The following EFCC1 variants were observed in gnomAD, a reference collection of about 807,000 sequenced individuals.
EFCC1 encodes EF-hand and coiled-coil domain-containing protein 1.
A neutral mutation model predicts 52.1 loss-of-function variants in EFCC1; 50 were observed. The ratio of observed to expected loss-of-function variants is 0.96; its 90% CI spans 0.76 to 1.21. EFCC1 has a LOEUF of 1.21. Ranked by LOEUF, EFCC1 falls within the 50% of genes most tolerant of loss-of-function variation. The probability of loss-of-function intolerance (pLI) is 0.00; values close to 1 mark genes in which losing one functional copy is unlikely to be tolerated. For missense variants in EFCC1, 837 were observed against 867.3 expected (o/e 0.97, Z 0.44); for synonymous variants, 399 against 396.5 (o/e 1.01, Z -0.08).
intron 2 of EFCC1, among the ~76,000 whole-genome samples, chr3:129,012,706 G>A (rs1012071615): frequency 2.1e-4 from 32 of 152,186 alleles, no homozygotes; most frequent in Admixed American, 4.6e-4. Flanking sequence ...ATAGAAGTGG[G>A]ACAACTCCCA....
Position 129,014,084 on chromosome 3 carries a change from T to C in EFCC1, c.980+10007T>C, listed in dbSNP as rs1321737101. 6.6e-6 allele frequency among the ~76,000 whole-genome samples: 1 copy of C among 152,236 alleles called. No homozygotes were observed. The highest frequency in any genetic ancestry group is 1.5e-5 in the Non-Finnish European group (1 of 68,048). ...TCAGGCTCTTCATTTTGCCTCTTCA[T>C]GATTTTCTGTCAGAAATAACCATTG... On this transcript the variant is annotated intron_variant, in intron 2 of 7. Coordinates refer to ENST00000683648, the MANE Select transcript of EFCC1 (RefSeq NM_001377500.1). The surrounding 1 kb of genome is among the most constrained non-coding windows in gnomAD (Gnocchi z 4.3).
chr3:129,003,681 C>CG (rs1944911737), intron 1 of EFCC1, 113 bp from the exon 2 acceptor site: 1 of 1,053,736 alleles, frequency 9.5e-7, no homozygotes, highest in African/African-American at 1.7e-5. Context: ...GCGCAAGAAA[C>CG]GTGCTCAAGC....
intron 5 of EFCC1, 96 bp from the exon 6 acceptor site, chr3:129,036,881 T>C: frequency 6.3e-7 from 1 of 1,583,660 alleles, no homozygotes; most frequent in Non-Finnish European, 8.6e-7. Context: ...TCTCTGGGCC[T>C]CAGCACCAGC....
rs1944862536 is a variant in EFCC1, at chr3:129,002,877, G to A, written c.696+553G>A. ...ACAATGTGGCTCACACTGTGGATCA[G>A]GCACTCACGGGCCACCAAGTGCCTG... On this transcript the variant is annotated intron_variant, in intron 1 of 7. Coordinates refer to ENST00000683648, the MANE Select transcript of EFCC1 (RefSeq NM_001377500.1). Among the ~76,000 whole-genome samples, 2 of 152,210 alleles carry A rather than the reference G, an allele frequency of 1.3e-5. 1 individual carries two copies. The highest frequency in any genetic ancestry group is 4.1e-4 in the South Asian group (2 of 4,834).
At chr3:129,009,910 G>A (rs1053075127) in intron 2 of EFCC1, among the ~76,000 whole-genome samples, 41 of 152,298 alleles carry the variant, frequency 2.7e-4, no homozygotes, top group African/African-American at 9.4e-4. Context: ...GGTGATTCAG[G>A]GCTCACTGGG....
At chr3:129,023,149 T>C (rs1156329077) in intron 2 of EFCC1, among the ~76,000 whole-genome samples, 2 of 152,214 alleles carry the variant, frequency 1.3e-5, no homozygotes, top group Non-Finnish European at 2.9e-5. Context: ...AAGTCATGAA[T>C]TGGGCAGCTG....
chr3:129,039,414 A>T (rs760692065), intron 7 of EFCC1, among the ~76,000 whole-genome samples: 4 of 152,206 alleles, frequency 2.6e-5, no homozygotes, highest in Non-Finnish European at 5.9e-5. Flanking sequence ...TCACAGGCTG[A>T]CAAGGCAACC....
chr3:129,021,106 C>T (rs1344628803), intron 2 of EFCC1, among the ~76,000 whole-genome samples: 2 of 152,162 alleles, frequency 1.3e-5, no homozygotes, highest in Non-Finnish European at 2.9e-5. Flanking sequence ...ATGAGGGGCC[C>T]TGCCAGGGAA....
intron 3 of EFCC1, 75 bp from the exon 4 acceptor site, chr3:129,032,744 G>A (rs1352967822): frequency 2.0e-6 from 3 of 1,514,724 alleles, no homozygotes; most frequent in Non-Finnish European, 2.7e-6. Flanking sequence ...GGGCTGCGCT[G>A]CACATGTCCC....
chr3:129,002,217 T>G lies in EFCC1; in HGVS notation c.589T>G (p.Cys197Gly). 6.5e-7 allele frequency: 1 copy of G among 1,528,772 alleles called. No individual in the cohort carries two copies. The highest frequency in any genetic ancestry group is 8.7e-7 in the Non-Finnish European group (1 of 1,143,334). The allele number at this position is 1,528,772 out of a possible 1,614,324, so 94.7% of individuals were successfully genotyped here. Residue 197 changes from cysteine to glycine, a missense_variant, in exon 1 of 8, where the codon TGT becomes GGT. Coordinates refer to ENST00000683648, the MANE Select transcript of EFCC1 (RefSeq NM_001377500.1). Reference sequence around the variant, plus strand: ...GCCTGGCCCCGACAGCGGTCCTGACTGTGAGCGCGTTGCGCGGCTGGAGGA... The same window carrying G: ...GCCTGGCCCCGACAGCGGTCCTGACGGTGAGCGCGTTGCGCGGCTGGAGGA... ...CAPGPDSGPD[C>G]ERVARLEEEN...
At chr3:129,012,585 G>C (rs1201309479) in intron 2 of EFCC1, among the ~76,000 whole-genome samples, 3 of 152,172 alleles carry the variant, frequency 2.0e-5, no homozygotes, top group African/African-American at 7.2e-5. Context: ...GCCCAGCCTG[G>C]GTCACAGCCC....
At chr3:129,026,109 G>T (rs114091821) in intron 2 of EFCC1, among the ~76,000 whole-genome samples, 415 of 152,382 alleles carry the variant, frequency 2.7e-3, no homozygotes, top group African/African-American at 9.3e-3. Flanking sequence ...TCATGAGGAA[G>T]ATGTTTGAAA....
Position 129,039,918 on chromosome 3 carries a change from C to A in EFCC1, c.*70C>A. 2.0e-6 allele frequency: 3 copies of A among 1,506,938 alleles called. No homozygotes were observed. The highest frequency in any genetic ancestry group is 2.7e-6 in the Non-Finnish European group (3 of 1,122,270). The allele number at this position is 1,506,938 out of a possible 1,614,324, so 93.3% of individuals were successfully genotyped here. A position where few individuals can be genotyped will look rare whatever the true frequency, so the allele number is the denominator to read the frequency against. ...TTTGGACCAGCCTCCATGATCAGCC[C>A]AACCACTGACAGCTGGTCTGACCAC... On this transcript the variant is annotated 3_prime_UTR_variant, in exon 8 of 8. Coordinates refer to ENST00000683648, the MANE Select transcript of EFCC1 (RefSeq NM_001377500.1).
At position 129,002,218 on chromosome 3, in the gene EFCC1, G is replaced by A. The variant is rs1452899962; in HGVS notation, c.590G>A (p.Cys197Tyr). 1 of 1,529,086 alleles carries A rather than the reference G, an allele frequency of 6.5e-7. No homozygotes were observed. Among genetic ancestry groups the A allele is most frequent in the East Asian group, 2.5e-5 (1 of 39,338 alleles). 94.7% of individuals were successfully genotyped at this position (1,529,086 alleles called of 1,614,324 possible). A position where few individuals can be genotyped will look rare whatever the true frequency, so the allele number is the denominator to read the frequency against. ...CAPGPDSGPD[C>Y]ERVARLEEEN... ...CCTGGCCCCGACAGCGGTCCTGACT[G>A]TGAGCGCGTTGCGCGGCTGGAGGAG... Residue 197 changes from cysteine (C) to tyrosine (Y), a missense_variant, in exon 1 of 8, where the codon TGT becomes TAT. Transcript: ENST00000683648.
chr3:129,039,020 C>A, intron 7 of EFCC1, 120 bp downstream of exon 7: 2 of 912,284 alleles, frequency 2.2e-6, no homozygotes, highest in Non-Finnish European at 1.7e-6. Context: ...TTATTCCTGC[C>A]CTGCATGCTT....
chr3:129,003,109 A>G (rs1346514838), intron 1 of EFCC1, among the ~76,000 whole-genome samples: 1 of 152,026 alleles, frequency 6.6e-6, no homozygotes. Context: ...ACATTATATG[A>G]CCCCGCCTTA....
chr3:129,008,261 G>A (rs1439008218), intron 2 of EFCC1, among the ~76,000 whole-genome samples: 1 of 152,222 alleles, frequency 6.6e-6, no homozygotes, highest in African/African-American at 2.4e-5. Flanking sequence ...AGCCCTTGCT[G>A]GCCCCTGGCC....
intron 5 of EFCC1, among the ~76,000 whole-genome samples, chr3:129,034,917 G>A (rs1414304524): frequency 1.3e-5 from 2 of 152,196 alleles, no homozygotes; most frequent in Admixed American, 6.5e-5. Flanking sequence ...TGGAGCAGGG[G>A]CAGTTTCCCA....
rs1191096518 is a variant in EFCC1 at position 129,002,121 on chromosome 3, G to C, written c.493G>C (p.Ala165Pro). 6.8e-7 allele frequency: 1 copy of C among 1,475,944 alleles called. No individual in the cohort carries two copies. Among genetic ancestry groups the C allele is most frequent in the Non-Finnish European group, 8.9e-7 (1 of 1,119,904 alleles). 91.4% of individuals were successfully genotyped at this position (1,475,944 alleles called of 1,614,324 possible). ...TRAGPRLPRG[A>P]LSEHIETQIR... Reference sequence around the variant, plus strand: ...TGCGGGGCCCCGGCTGCCCCGCGGCGCTCTCAGCGAGCACATCGAGACGCA... The same window carrying C: ...TGCGGGGCCCCGGCTGCCCCGCGGCCCTCTCAGCGAGCACATCGAGACGCA... Residue 165 changes from alanine to proline, a missense_variant, in exon 1 of 8, where the codon GCT becomes CCT. Transcript: ENST00000683648.
Sources: gnomAD v4.1 joint callset for allele counts (sites outside exome capture counted in the v4.1 genomes callset) on GRCh38, gnomAD v4.1.1 for gene constraint, Gnocchi (gnomAD v3.1) non-coding constraint, MANE v1.5 for transcripts, NCBI Gene and HGNC (gene_info 2026-07-23, HGNC 2026-07-21) for gene names.